The following GARNL3 variants were observed in gnomAD, a reference collection of about 807,000 sequenced individuals.
GARNL3 encodes the protein GTPase-activating Rap/Ran-GAP domain-like protein 3.
In GARNL3, 63 loss-of-function variants were observed where a neutral mutation model predicts 125.0. That is an observed-to-expected ratio of 0.50 (90% CI 0.41 to 0.62). The LOEUF (loss-of-function observed/expected upper bound fraction) is 0.62. GARNL3 is among the 20% of genes least tolerant of loss of function. GARNL3 has a pLI of 0.00. For synonymous variants in GARNL3, 439 were observed against 457.5 expected (o/e 0.96, Z 0.52); for missense variants, 994 against 1,244.0 (o/e 0.80, Z 3.02).
At chr9:127,259,358 C>T (rs1046666486), upstream of GARNL3, among the ~76,000 whole-genome samples, 3 of 152,124 alleles carry the variant, frequency 2.0e-5, no homozygotes, top group South Asian at 2.1e-4. Context: ...GTTAAATTGC[C>T]GAAGCAGAAG....
At chr9:127,383,755 C>G (rs1450102378) in intron 23 of GARNL3, among the ~76,000 whole-genome samples, 1 of 152,206 alleles carries the variant, frequency 6.6e-6, no homozygotes, top group African/African-American at 2.4e-5. Context: ...CCTAGTTTCT[C>G]TCAGTGCCTG....
At chr9:127,383,109 C>A (rs1326475262) in intron 22 of GARNL3, among the ~76,000 whole-genome samples, 2 of 152,206 alleles carry the variant, frequency 1.3e-5, no homozygotes, top group Non-Finnish European at 2.9e-5. Flanking sequence ...CTCCTAACCT[C>A]AATTTTCTCA....
upstream of GARNL3, among the ~76,000 whole-genome samples, chr9:127,259,356 GC>G (rs1241708035): frequency 6.6e-6 from 1 of 152,176 alleles, no homozygotes; most frequent in Non-Finnish European, 1.5e-5. Flanking sequence ...ATGTTAAATT[GC>G]CGAAGCAGAA....
At chr9:127,269,275 C>T (rs181108252) in intron 1 of GARNL3, among the ~76,000 whole-genome samples, 4 of 152,362 alleles carry the variant, frequency 2.6e-5, no homozygotes, top group Admixed American at 2.0e-4. Flanking sequence ...GCTGGGATTA[C>T]AGGCATGAGC....
rs1463652087 is a variant in GARNL3, at chr9:127,392,310, A to G, written c.2871-773A>G. Reference sequence around the variant, plus strand: ...TGACAAGTGCTACAAGAAATTGAGAAGAAGTGACGGGGCTGGCACATAGAA... The same window carrying G: ...TGACAAGTGCTACAAGAAATTGAGAGGAAGTGACGGGGCTGGCACATAGAA... On this transcript the variant is annotated intron_variant, in intron 27 of 27. Coordinates refer to ENST00000373387, the MANE Select transcript of GARNL3 (RefSeq NM_032293.5). This position sits in a 1 kb window ranked among gnomAD's most constrained non-coding sequence, Gnocchi z 5.2. 6.6e-6 allele frequency among the ~76,000 whole-genome samples: 1 copy of G among 152,272 alleles called. No individual in the cohort carries two copies. The highest frequency in any genetic ancestry group is 1.5e-5 in the Non-Finnish European group (1 of 68,044).
At position 127,385,793 on chromosome 9, in the gene GARNL3, G is replaced by A. The variant is rs1832512639; in HGVS notation, c.2388+648G>A. ...CTGACATCCATCACATTTGGTGGTAGGTGACTGCCTATTTGTTCATCTTTG... is the reference window on the plus strand; with the variant it reads ...CTGACATCCATCACATTTGGTGGTAAGTGACTGCCTATTTGTTCATCTTTG... On this transcript the variant is annotated intron_variant, in intron 24 of 27. Transcript: ENST00000373387. The surrounding 1 kb of genome is among the most constrained non-coding windows in gnomAD (Gnocchi z 4.1). Among the ~76,000 whole-genome samples, 1 of 152,198 alleles carries A rather than the reference G, an allele frequency of 6.6e-6. No homozygotes were observed. Among genetic ancestry groups the A allele is most frequent in the Non-Finnish European group, 1.5e-5 (1 of 68,026 alleles).
In GARNL3 at chr9:127,242,959, G is replaced by A. The variant is rs997603507; in HGVS notation, c.-28-120G>A. The A allele has an allele frequency of 1.3e-5, 11 of 853,590 alleles. No individual in the cohort carries two copies. The Admixed American group carries it at 2.4e-4, about 19-fold the overall frequency. The allele number at this position is 853,590 out of a possible 1,614,324, so 52.9% of individuals were successfully genotyped here. On this transcript the variant is annotated intron_variant, in intron 1 of 10. Coordinates refer to the GARNL3 transcript ENST00000439286. The surrounding 1 kb of genome is among the most constrained non-coding windows in gnomAD (Gnocchi z 4.6). Reference sequence around the variant, plus strand: ...GCCCCTGGGTCTTGAGGGTGCTTCAGTGTCACCCTCCTCCTTGCTTACCAG... The same window carrying A: ...GCCCCTGGGTCTTGAGGGTGCTTCAATGTCACCCTCCTCCTTGCTTACCAG...
At chr9:127,312,276 T>C (rs556847704) in intron 3 of GARNL3, among the ~76,000 whole-genome samples, 1 of 152,314 alleles carries the variant, frequency 6.6e-6, no homozygotes, top group African/African-American at 2.4e-5. Context: ...ACTCATGATA[T>C]GGGTTTGGAT....
intron 1 of GARNL3, among the ~76,000 whole-genome samples, chr9:127,237,193 C>T (rs2063127972): frequency 3.9e-5 from 6 of 152,206 alleles, no homozygotes; most frequent in Admixed American, 3.9e-4. Context: ...GCTGATCAAT[C>T]AAGAAGCAAG....
chr9:127,315,922 A>G (rs1384560931), intron 4 of GARNL3, among the ~76,000 whole-genome samples: 1 of 152,202 alleles, frequency 6.6e-6, no homozygotes, highest in Non-Finnish European at 1.5e-5. Context: ...ACACAGGGTA[A>G]TCTTCGATGT....
intron 2 of GARNL3, among the ~76,000 whole-genome samples, chr9:127,302,384 GA>G (rs965020576): frequency 6.6e-6 from 1 of 152,020 alleles, no homozygotes; most frequent in African/African-American, 2.4e-5. Flanking sequence ...TTTAAAATAG[GA>G]AAAAAACTGG....
chr9:127,339,827 T>C, intron 13 of GARNL3, 76 bp downstream of exon 13: 1 of 927,472 alleles, frequency 1.1e-6, no homozygotes, highest in Non-Finnish European at 1.8e-6. Context: ...CCCAGAATGC[T>C]GTTTAAGGAA....
chr9:127,370,035 C>T (rs924921195), intron 22 of GARNL3, among the ~76,000 whole-genome samples: 1 of 152,112 alleles, frequency 6.6e-6, no homozygotes, highest in Admixed American at 6.5e-5. Flanking sequence ...TTTGTTCTCT[C>T]GGGAAGTAAG....
intron 4 of GARNL3, among the ~76,000 whole-genome samples, chr9:127,314,503 C>G (rs1054794434): frequency 6.6e-6 from 1 of 152,162 alleles, no homozygotes; most frequent in Non-Finnish European, 1.5e-5. Flanking sequence ...CACCTCTTGG[C>G]TGGCCTTTCT....
At chr9:127,229,030 G>A (rs2062959141) in intron 1 of GARNL3, among the ~76,000 whole-genome samples, 1 of 152,088 alleles carries the variant, frequency 6.6e-6, no homozygotes, top group African/African-American at 2.4e-5. Context: ...CACCATGATG[G>A]CCAGGCTGGT....
chr9:127,241,176 G>A (rs1260210150), intron 1 of GARNL3, among the ~76,000 whole-genome samples: 1 of 152,104 alleles, frequency 6.6e-6, no homozygotes, highest in East Asian at 1.9e-4. Context: ...GTCTCACTGG[G>A]TTTCTTCTCG....
At chr9:127,327,353 G>C (rs1211626260) in intron 7 of GARNL3, among the ~76,000 whole-genome samples, 1 of 152,212 alleles carries the variant, frequency 6.6e-6, no homozygotes, top group Non-Finnish European at 1.5e-5. Context: ...GTAATGCACA[G>C]AGGTGGGGTG....
At chr9:127,300,012 A>G (rs2064736217) in intron 2 of GARNL3, 1 of 244,026 alleles carries the variant, frequency 4.1e-6, no homozygotes, top group Non-Finnish European at 8.3e-6. Flanking sequence ...CCATATATAC[A>G]TTTTTTTTAA....
intron 6 of GARNL3, among the ~76,000 whole-genome samples, chr9:127,324,444 G>T (rs1396033286): frequency 6.6e-6 from 1 of 152,082 alleles, no homozygotes; most frequent in Admixed American, 6.5e-5. Context: ...TCCAGCCTCC[G>T]TGCCTCCATC....
Sources: allele counts gnomAD v4.1 joint callset (sites outside exome capture counted in the v4.1 genomes callset), GRCh38; gene constraint gnomAD v4.1.1; non-coding constraint Gnocchi (gnomAD v3.1); transcripts MANE v1.5; gene names NCBI Gene and HGNC (gene_info 2026-07-23, HGNC 2026-07-21).